FSTL5: variants seen among roughly 807,000 people sequenced by gnomAD.
FSTL5 encodes the protein follistatin-related protein 5.
In FSTL5, 62 loss-of-function variants were observed where a neutral mutation model predicts 89.1. The ratio of observed to expected loss-of-function variants is 0.70; its 90% CI spans 0.57 to 0.86. FSTL5 has a LOEUF of 0.86. Ranked by LOEUF, FSTL5 falls within the 40% of genes least tolerant of loss-of-function variation. FSTL5 has a pLI of 0.00. For missense variants in FSTL5, 1,057 were observed against 1,001.6 expected (o/e 1.06, Z -0.75); for synonymous variants, 383 against 346.2 (o/e 1.11, Z -1.18).
chr4:162,073,247 T>C (rs1401239230), intron 2 of FSTL5, among the ~76,000 whole-genome samples: 4 of 151,422 alleles, frequency 2.6e-5, no homozygotes, highest in African/African-American at 7.3e-5. Context: ...ATCATGTGTA[T>C]GTGTGTGTGT....
At chr4:161,485,917 C>T (rs751928622) in intron 12 of FSTL5, among the ~76,000 whole-genome samples, 8 of 152,026 alleles carry the variant, frequency 5.3e-5, no homozygotes, top group African/African-American at 1.9e-4. Flanking sequence ...GCAGGTGGAT[C>T]ACTTGAGTTC....
intron 6 of FSTL5, among the ~76,000 whole-genome samples, chr4:161,726,295 C>T (rs1739412266): frequency 7.5e-6 from 1 of 132,770 alleles, no homozygotes; most frequent in Non-Finnish European, 1.5e-5. Context: ...GGCAAGATCT[C>T]GGCTCACTGC....
chr4:162,039,784 T>C (rs1207115519), intron 2 of FSTL5, among the ~76,000 whole-genome samples: 2 of 151,956 alleles, frequency 1.3e-5, no homozygotes, highest in Admixed American at 6.6e-5. Context: ...ATTTACAAAT[T>C]AGCAAAAGAT....
intron 10 of FSTL5, among the ~76,000 whole-genome samples, chr4:161,528,737 T>C (rs1488117963): frequency 2.1e-5 from 3 of 143,634 alleles, no homozygotes; most frequent in African/African-American, 7.5e-5. Flanking sequence ...ATTCTACTTT[T>C]GTTAAACTTA....
intron 8 of FSTL5, among the ~76,000 whole-genome samples, chr4:161,579,470 C>A (rs1305653590): frequency 6.6e-6 from 1 of 152,018 alleles, no homozygotes; most frequent in East Asian, 1.9e-4. Flanking sequence ...GTAATCCCAG[C>A]ACTTTGGGAA....
In FSTL5 at chr4:161,396,131, A is replaced by T. The variant is rs1730986140; in HGVS notation, c.1842-9682T>A. Among the ~76,000 whole-genome samples the T allele has an allele frequency of 2.6e-5, 4 of 151,622 alleles. No individual in the cohort carries two copies. The South Asian group carries it at 8.3e-4, about 31-fold the overall frequency. On this transcript the variant is annotated intron_variant, in intron 15 of 15. Coordinates refer to ENST00000306100, the MANE Select transcript of FSTL5 (RefSeq NM_020116.5). ...TAGGATCATTGATCATAAAAAAAAA[A>T]AACACTGCGAGAGAAGCCCACCCAT...
chr4:161,582,697 T>C (rs961006653), intron 8 of FSTL5, among the ~76,000 whole-genome samples: 1 of 152,200 alleles, frequency 6.6e-6, no homozygotes, highest in Admixed American at 6.5e-5. Flanking sequence ...AATATTTTGA[T>C]ACATCAGAAA....
intron 7 of FSTL5, among the ~76,000 whole-genome samples, chr4:161,629,337 T>G (rs1468923625): frequency 6.6e-6 from 1 of 151,850 alleles, no homozygotes; most frequent in Non-Finnish European, 1.5e-5. Flanking sequence ...GAAGTTATAG[T>G]AAATTAGATA....
intron 8 of FSTL5, among the ~76,000 whole-genome samples, chr4:161,564,470 T>G (rs1040969278): frequency 6.6e-6 from 1 of 150,814 alleles, no homozygotes; most frequent in African/African-American, 2.4e-5. Context: ...CAATATTTGC[T>G]GAAATATATT....
chr4:161,665,253 T>TTA (rs1452001588), intron 6 of FSTL5, among the ~76,000 whole-genome samples: 8 of 152,146 alleles, frequency 5.3e-5, no homozygotes, highest in Non-Finnish European at 1.0e-4. Flanking sequence ...TTTTGTTGTT[T>TTA]TATTTTGAGA....
chr4:161,645,419 T>C (rs1041574349), intron 7 of FSTL5, among the ~76,000 whole-genome samples: 2 of 152,148 alleles, frequency 1.3e-5, no homozygotes, highest in African/African-American at 4.8e-5. Context: ...TTATATATTG[T>C]TATCTTCACC....
At chr4:161,451,914 G>A (rs887781247) in intron 15 of FSTL5, among the ~76,000 whole-genome samples, 5 of 152,158 alleles carry the variant, frequency 3.3e-5, no homozygotes, top group African/African-American at 1.2e-4. Context: ...ATAAAAGCCT[G>A]ACACGTGTCA....
chr4:162,067,198 G>A (rs1288942201), intron 2 of FSTL5, among the ~76,000 whole-genome samples: 1 of 151,868 alleles, frequency 6.6e-6, no homozygotes, highest in African/African-American at 2.4e-5. Context: ...TGACTACAAG[G>A]CCATGCCCCC....
intron 5 of FSTL5, among the ~76,000 whole-genome samples, chr4:161,772,620 T>A (rs1416861248): frequency 6.6e-6 from 1 of 152,088 alleles, no homozygotes; most frequent in Non-Finnish European, 1.5e-5. Flanking sequence ...ATAAAATACT[T>A]AGGAATATAC....
At chr4:162,017,275 G>A (rs180981044) in intron 3 of FSTL5, among the ~76,000 whole-genome samples, 4 of 152,256 alleles carry the variant, frequency 2.6e-5, no homozygotes, top group Non-Finnish European at 5.9e-5. Flanking sequence ...AGAATAAGCA[G>A]AGAAAAGCCA....
chr4:161,903,533 G>T (rs190994066), intron 4 of FSTL5, among the ~76,000 whole-genome samples: 2,644 of 151,724 alleles, frequency 0.017, 37 homozygotes, highest in Non-Finnish European at 0.027. Context: ...TTGATAAAAA[G>T]TTTTTTAAAA....
intron 4 of FSTL5, among the ~76,000 whole-genome samples, chr4:161,777,760 C>A (rs1300285386): frequency 6.6e-6 from 1 of 152,066 alleles, no homozygotes; most frequent in Non-Finnish European, 1.5e-5. Flanking sequence ...CTGGGAACAT[C>A]ATAGTTAGTG....
At chr4:161,864,620 C>A (rs2126893497) in intron 4 of FSTL5, among the ~76,000 whole-genome samples, 1 of 151,854 alleles carries the variant, frequency 6.6e-6, no homozygotes, top group East Asian at 1.9e-4. Flanking sequence ...GCCTATAATC[C>A]CAGCACTTTG....
intron 4 of FSTL5, among the ~76,000 whole-genome samples, chr4:161,838,573 C>T (rs1731119909): frequency 6.6e-6 from 1 of 152,070 alleles, no homozygotes; most frequent in African/African-American, 2.4e-5. Flanking sequence ...CGTGAGCCAC[C>T]GTGCCTGGCC....
Sources: gnomAD v4.1 joint callset for allele counts (sites outside exome capture counted in the v4.1 genomes callset) on GRCh38, gnomAD v4.1.1 for gene constraint, MANE v1.5 for transcripts, NCBI Gene and HGNC (gene_info 2026-07-23, HGNC 2026-07-21) for gene names.